ZPBP: variants seen among roughly 807,000 people sequenced by gnomAD.
ZPBP encodes zona pellucida-binding protein 1.
A neutral mutation model predicts 44.8 loss-of-function variants in ZPBP; 26 were observed. The ratio of observed to expected loss-of-function variants is 0.58; its 90% CI spans 0.43 to 0.81. The LOEUF (loss-of-function observed/expected upper bound fraction) is 0.81. ZPBP is among the 30% of genes least tolerant of loss of function. The probability of loss-of-function intolerance (pLI) is 0.00; values close to 1 mark genes in which losing one functional copy is unlikely to be tolerated. For synonymous variants in ZPBP, 174 were observed against 153.2 expected, an observed-to-expected ratio of 1.14 and a Z score of -1.00; for missense variants, 409 against 434.0, an observed-to-expected ratio of 0.94 and a Z score of 0.51.
intron 1 of ZPBP, among the ~76,000 whole-genome samples, chr7:49,909,588 T>C (rs1283017409): frequency 6.6e-6 from 1 of 152,148 alleles, no homozygotes; most frequent in Non-Finnish European, 1.5e-5. Flanking sequence ...TCACCAAAGC[T>C]AATGGATATG....
rs750441398 is a variant in ZPBP, at chr7:50,092,939, T to G, written c.127+129A>C. On this transcript the variant is annotated intron_variant, in intron 1 of 7. Coordinates refer to ENST00000046087, the MANE Select transcript of ZPBP (RefSeq NM_007009.3). ...GACTTCCATAAAAAATAAGCCTTTC[T>G]TGTCACGTATTAGTGAGCAAGGTGT... The G allele has an allele frequency of 7.9e-5, 107 of 1,349,034 alleles. No individual in the cohort carries two copies. The South Asian group carries it at 1.5e-3, about 19-fold the overall frequency. The allele number at this position is 1,349,034 out of a possible 1,614,324, so 83.6% of individuals were successfully genotyped here.
At chr7:49,993,455 T>A (rs1797655160) in intron 6 of ZPBP, among the ~76,000 whole-genome samples, 1 of 152,162 alleles carries the variant, frequency 6.6e-6, no homozygotes, top group African/African-American at 2.4e-5. Context: ...GATTGAAACA[T>A]TCCAATTAAA....
chr7:50,043,187 C>T (rs907494014), intron 4 of ZPBP, among the ~76,000 whole-genome samples: 3 of 152,190 alleles, frequency 2.0e-5, no homozygotes, highest in Non-Finnish European at 4.4e-5. Context: ...CTTTGTTTCC[C>T]GTTAAGTAAT....
intron 7 of ZPBP, among the ~76,000 whole-genome samples, chr7:49,945,097 T>C (rs1407131356): frequency 6.6e-6 from 1 of 152,218 alleles, no homozygotes; most frequent in African/African-American, 2.4e-5. Context: ...AATTTCTTCA[T>C]TGAGCCACTG....
downstream of ZPBP, chr7:49,936,108 C>T (rs1386715724): frequency 6.6e-6 from 1 of 152,208 alleles, no homozygotes; most frequent in East Asian, 1.9e-4. Flanking sequence ...TTAGATTACA[C>T]TGCTTTTAGA....
At position 49,995,811 on chromosome 7, in the gene ZPBP, C is replaced by T. The variant is rs562363039; in HGVS notation, c.784-12292G>A. Among the ~76,000 whole-genome samples the T allele has an allele frequency of 8.6e-5, 13 of 152,024 alleles. No individual in the cohort carries two copies. In the East Asian group the frequency reaches 1.2e-3, roughly 14 times the overall value. Reference sequence around the variant, plus strand: ...ATATGTTCTCATTCGTATGTGGGAACGAAAAAGTTGTTCTCAAGGAGGTAG... The same window carrying T: ...ATATGTTCTCATTCGTATGTGGGAATGAAAAAGTTGTTCTCAAGGAGGTAG... On this transcript the variant is annotated intron_variant, in intron 6 of 7. Coordinates refer to ENST00000046087, the MANE Select transcript of ZPBP (RefSeq NM_007009.3).
At chr7:49,882,981 A>T (rs1254006383) in intron 2 of ZPBP, among the ~76,000 whole-genome samples, 1 of 151,900 alleles carries the variant, frequency 6.6e-6, no homozygotes, top group African/African-American at 2.4e-5. Flanking sequence ...TGTTGTCTCC[A>T]TTTCATCTCT....
intron 1 of ZPBP, among the ~76,000 whole-genome samples, chr7:49,926,816 G>A (rs540776818): frequency 1.3e-5 from 2 of 152,376 alleles, no homozygotes; most frequent in Non-Finnish European, 2.9e-5. Context: ...CAGGAGAGCA[G>A]GAAGGAGGGA....
intron 7 of ZPBP, among the ~76,000 whole-genome samples, chr7:49,976,977 C>G (rs984727004): frequency 1.3e-5 from 2 of 151,986 alleles, no homozygotes; most frequent in South Asian, 4.1e-4. Flanking sequence ...TGGTGGGCGC[C>G]TGTAGTCCCA....
At chr7:49,878,243 C>A (rs753822618) in intron 2 of ZPBP, among the ~76,000 whole-genome samples, 3 of 152,282 alleles carry the variant, frequency 2.0e-5, no homozygotes, top group Non-Finnish European at 4.4e-5. Context: ...ACACAGCACA[C>A]TGCAATATGT....
intron 2 of ZPBP, among the ~76,000 whole-genome samples, chr7:50,084,473 G>A (rs1802528613): frequency 6.6e-6 from 1 of 151,688 alleles, no homozygotes; most frequent in African/African-American, 2.4e-5. Context: ...TAATGAAAAT[G>A]GAAAACTAAC....
intron 7 of ZPBP, among the ~76,000 whole-genome samples, chr7:49,971,588 A>T (rs1796307827): frequency 6.6e-6 from 1 of 152,180 alleles, no homozygotes; most frequent in African/African-American, 2.4e-5. Flanking sequence ...ACAGATTTAT[A>T]ACTAGTACAG....
At chr7:50,087,664 C>T (rs575342041) in intron 2 of ZPBP, among the ~76,000 whole-genome samples, 38 of 151,958 alleles carry the variant, frequency 2.5e-4, no homozygotes, top group Middle Eastern at 3.4e-3. Context: ...TAAATAAAAC[C>T]ATTCATTTAC....
intron 7 of ZPBP, among the ~76,000 whole-genome samples, chr7:49,977,833 C>T (rs1204488425): frequency 2.0e-5 from 3 of 152,092 alleles, no homozygotes; most frequent in Non-Finnish European, 4.4e-5. Context: ...CTATGTGTTG[C>T]CTTATCAACA....
intron 1 of ZPBP, chr7:49,914,466 G>A (rs1015077657): frequency 1.3e-4 from 20 of 152,128 alleles, no homozygotes; most frequent in African/African-American, 4.8e-4. Context: ...AAAGCTCAAT[G>A]GCTGTTATTA....
downstream of ZPBP, among the ~76,000 whole-genome samples, chr7:49,846,327 T>G (rs1789945059): frequency 6.6e-6 from 1 of 152,108 alleles, no homozygotes. Context: ...CAAACATAGG[T>G]CTTTACCTGC....
chr7:49,886,433 A>G (rs149558894), intron 2 of ZPBP, among the ~76,000 whole-genome samples: 50 of 152,274 alleles, frequency 3.3e-4, no homozygotes, highest in Non-Finnish European at 4.6e-4. Flanking sequence ...TTACTTTTTA[A>G]TTTTGATTTC....
intron 5 of ZPBP, among the ~76,000 whole-genome samples, chr7:50,020,390 C>A: frequency 6.6e-6 from 1 of 152,058 alleles, no homozygotes; most frequent in African/African-American, 2.4e-5. Context: ...TCTTATCTAT[C>A]TTTTCAGAAT....
At chr7:49,970,053 G>C (rs1010398893) in intron 7 of ZPBP, among the ~76,000 whole-genome samples, 2 of 152,058 alleles carry the variant, frequency 1.3e-5, no homozygotes, top group African/African-American at 4.8e-5. Context: ...TAGAGACGGT[G>C]TTTAGCCATG....
Sources: gnomAD v4.1 joint callset for allele counts (sites outside exome capture counted in the v4.1 genomes callset) on GRCh38, gnomAD v4.1.1 for gene constraint, MANE v1.5 for transcripts, NCBI Gene and HGNC (gene_info 2026-07-23, HGNC 2026-07-21) for gene names.